Variants in TUT4 observed in about 807,000 individuals in gnomAD.
The protein encoded by TUT4 is terminal uridylyltransferase 4.
A neutral mutation model predicts 192.2 loss-of-function variants in TUT4; 36 were observed. The observed-to-expected ratio is 0.19, with a 90% CI of 0.14 to 0.25. The LOEUF is 0.25. Ranked by LOEUF, TUT4 falls within the 10% of genes least tolerant of loss-of-function variation. TUT4 has a pLI of 1.00. For missense variants in TUT4, 1,493 were observed against 1,957.2 expected, an observed-to-expected ratio of 0.76 and a Z score of 4.47; for synonymous variants, 618 against 666.0, an observed-to-expected ratio of 0.93 and a Z score of 1.11.
At chr1:52,552,838 G>A (rs1354221562) in intron 1 of TUT4, 93 bp downstream of exon 1, 3 of 152,324 alleles carry the variant, frequency 2.0e-5, no homozygotes, top group Non-Finnish European at 4.4e-5. Flanking sequence ...CCTGCGAAGC[G>A]CGGCACCTGG....
Position 52,495,922 on chromosome 1 carries a change from A to G in TUT4, c.1178-407T>C, listed in dbSNP as rs80285352. Among the ~76,000 whole-genome samples, 205 of 152,292 alleles carry G rather than the reference A, an allele frequency of 1.3e-3. 2 individuals carry two copies. The East Asian group carries it at 0.024, about 18-fold the overall frequency. On this transcript the variant is annotated intron_variant, in intron 5 of 29. Transcript: ENST00000257177. Reference sequence around the variant, plus strand: ...TTGGGGAAAGGATCATAAACATTCAATGCCAATGCTTTTATAAAATACGAA... The same window carrying G: ...TTGGGGAAAGGATCATAAACATTCAGTGCCAATGCTTTTATAAAATACGAA...
chr1:52,438,729 T>C (rs191738387), intron 24 of TUT4, among the ~76,000 whole-genome samples: 1 of 152,344 alleles, frequency 6.6e-6, no homozygotes, highest in East Asian at 1.9e-4. Flanking sequence ...AAACTCATGC[T>C]TTCTGCTATA....
chr1:52,501,757 C>T (rs906451410), intron 4 of TUT4, among the ~76,000 whole-genome samples: 5 of 152,152 alleles, frequency 3.3e-5, no homozygotes, highest in African/African-American at 9.6e-5. Flanking sequence ...CATACAGATA[C>T]GATGGAATAT....
chr1:52,495,462 T>C lies in TUT4; in HGVS notation c.1231A>G (p.Ser411Gly). Reference sequence around the variant, plus strand: ...AATTTTATATCTATATTAACATCACTACTTTTCAGAGCAAATCTAGTCAGA... The same window carrying C: ...AATTTTATATCTATATTAACATCACCACTTTTCAGAGCAAATCTAGTCAGA... ...SSLTRFALKS[S>G]DVNIDIKFPP... Residue 411 changes from serine (S) to glycine (G), a missense_variant, in exon 6 of 30, where the codon AGT becomes GGT. Physicochemically the swap from Ser to Gly is moderately conservative, Grantham distance 56. Around this residue, in one of 7 missense-constraint regions of TUT4, gnomAD observed 437 missense variants for 577.6 expected, o/e 0.76. Coordinates refer to ENST00000257177, the MANE Select transcript of TUT4 (RefSeq NM_001009881.3). 6.2e-7 allele frequency: 1 copy of C among 1,611,454 alleles called. No individual in the cohort carries two copies.
Position 52,490,722 on chromosome 1 carries a change from T to G in TUT4, c.1388+10A>C, listed in dbSNP as rs1241849710. The G allele has an allele frequency of 1.9e-6, 3 of 1,601,184 alleles. No homozygotes were observed. The African/African-American group carries it at 4.0e-5, about 22-fold the overall frequency. ...GTTTTTTTAAATATTTTATCTTCAT[T>G]GTTACCAACCTTTTTCGATCTCTGC... On this transcript the variant is annotated intron_variant, in intron 8 of 29. Coordinates refer to ENST00000257177, the MANE Select transcript of TUT4 (RefSeq NM_001009881.3).
intron 9 of TUT4, among the ~76,000 whole-genome samples, chr1:52,485,712 T>G (rs1462338104): frequency 3.3e-5 from 5 of 152,092 alleles, no homozygotes; most frequent in Non-Finnish European, 7.4e-5. Context: ...TATAATAAAT[T>G]ATGTGAACAG....
intron 9 of TUT4, among the ~76,000 whole-genome samples, chr1:52,482,711 T>C (rs1668808080): frequency 6.6e-6 from 1 of 152,176 alleles, no homozygotes. Flanking sequence ...TGGGTATTTA[T>C]AGGCATGAGC....
chr1:52,527,902 G>C (rs1181725482), intron 1 of TUT4, among the ~76,000 whole-genome samples: 1 of 152,116 alleles, frequency 6.6e-6, no homozygotes, highest in Non-Finnish European at 1.5e-5. Context: ...ATGTCAGCCA[G>C]GCATGGTGCC....
chr1:52,466,531 A>G (rs1300217382), intron 15 of TUT4, among the ~76,000 whole-genome samples: 2 of 151,168 alleles, frequency 1.3e-5, no homozygotes, highest in Non-Finnish European at 2.9e-5. Context: ...CCAGCTACTC[A>G]GGAGACTAAG....
Position 52,431,332 on chromosome 1 carries a change from G to A in TUT4, c.4392C>T (p.Ala1464=). The change falls in exon 28 of 30, where the codon GCC becomes GCT. Residue 1464 remains alanine (A), a synonymous_variant. Transcript: ENST00000257177. ...GCATCTGGACCTGATGGGGAGGTTG[G>A]GCTCCCTGCTGAGGTGGGCCAAGCT... ...QPKLGPPQQG[A]QPPHQVQMPL... The A allele has an allele frequency of 1.2e-6, 2 of 1,614,136 alleles. No individual in the cohort carries two copies. The highest frequency in any genetic ancestry group is 1.7e-6 in the Non-Finnish European group (2 of 1,180,020).
At chr1:52,500,710 C>G (rs530505693) in intron 4 of TUT4, among the ~76,000 whole-genome samples, 5 of 151,922 alleles carry the variant, frequency 3.3e-5, no homozygotes, top group Admixed American at 3.3e-4. Flanking sequence ...TGCAATGAGC[C>G]GAGATTGTGC....
chr1:52,516,750 T>G (rs1678817713), intron 2 of TUT4, among the ~76,000 whole-genome samples: 1 of 152,214 alleles, frequency 6.6e-6, no homozygotes, highest in South Asian at 2.1e-4. Context: ...GAGTTCAGAA[T>G]AAAGTTTTAA....
intron 2 of TUT4, among the ~76,000 whole-genome samples, chr1:52,519,513 C>T (rs894183885): frequency 3.2e-4 from 46 of 144,096 alleles, no homozygotes; most frequent in African/African-American, 1.1e-3. Flanking sequence ...GTAAAATATT[C>T]TTTTTTTTTT....
chr1:52,547,100 A>G (rs1688267518), intron 1 of TUT4, among the ~76,000 whole-genome samples: 1 of 151,020 alleles, frequency 6.6e-6, no homozygotes, highest in South Asian at 2.1e-4. Context: ...CAGAGGCTGC[A>G]GTGAGCCATG....
intron 24 of TUT4, among the ~76,000 whole-genome samples, chr1:52,442,894 T>C (rs1557663965): frequency 6.6e-6 from 1 of 152,250 alleles, no homozygotes; most frequent in Non-Finnish European, 1.5e-5. Context: ...TATGTAATTA[T>C]AATATATTGC....
chr1:52,450,078 T>C (rs1182889871), intron 20 of TUT4, among the ~76,000 whole-genome samples: 4 of 152,174 alleles, frequency 2.6e-5, no homozygotes. Context: ...AGAGCAAAAA[T>C]CTTCTGCCTA....
chr1:52,434,236 C>T (rs1241625544), intron 27 of TUT4: 1 of 152,172 alleles, frequency 6.6e-6, no homozygotes, highest in East Asian at 1.9e-4. Context: ...TCTTCAAATA[C>T]TTGAATGTTT....
chr1:52,430,793 T>C (rs1570132903), intron 28 of TUT4, among the ~76,000 whole-genome samples: 1 of 152,178 alleles, frequency 6.6e-6, no homozygotes, highest in East Asian at 1.9e-4. Context: ...ATGAAACCAA[T>C]GCACAAAGAG....
In TUT4 at chr1:52,474,969, T is replaced by G. The variant is rs1404970888; in HGVS notation, c.2590A>C (p.Ser864Arg). 3.1e-6 allele frequency: 5 copies of G among 1,614,202 alleles called. No individual in the cohort carries two copies. The highest frequency in any genetic ancestry group is 4.2e-6 in the Non-Finnish European group (5 of 1,180,036). ...SNLETESSHQSVCTDTSATSC... is the reference protein window; with the variant it reads ...SNLETESSHQRVCTDTSATSC... The stretch of plus-strand genomic sequence containing the variant: ...GTAGCAGATGTGTCGGTGCACACAC[T>G]CTGATGTGAACTCTCTGTTTCTAAA... Residue 864 changes from serine to arginine, a missense_variant, in exon 13 of 30, where the codon AGT (serine) becomes CGT (arginine). This residue lies in a region of TUT4 where 245 missense variants were observed against 218.4 expected (regional missense o/e 1.12). Coordinates refer to ENST00000257177, the MANE Select transcript of TUT4 (RefSeq NM_001009881.3).
Sources: allele counts gnomAD v4.1 joint callset (sites outside exome capture counted in the v4.1 genomes callset), GRCh38; gene constraint gnomAD v4.1.1; regional missense constraint gnomAD v4.1.1; transcripts MANE v1.5; gene names NCBI Gene and HGNC (gene_info 2026-07-23, HGNC 2026-07-21).